Variants in MYO5B observed in about 807,000 individuals in gnomAD.
The protein encoded by MYO5B is unconventional myosin-Vb.
A neutral mutation model predicts 229.3 loss-of-function variants in MYO5B; 143 were observed. That is an observed-to-expected ratio of 0.62 (90% CI 0.54 to 0.72). MYO5B has a LOEUF of 0.72. MYO5B is among the 30% of genes least tolerant of loss of function. The pLI, the probability that MYO5B is intolerant of heterozygous loss-of-function variation, is 0.00. For synonymous variants in MYO5B, 918 were observed against 885.2 expected (o/e 1.04, Z -0.66); for missense variants, 2,321 against 2,331.0 (o/e 1.00, Z 0.09).
At chr18:49,960,009 C>A (rs1174869064) in intron 12 of MYO5B, among the ~76,000 whole-genome samples, 1 of 152,008 alleles carries the variant, frequency 6.6e-6, no homozygotes, top group East Asian at 1.9e-4. Flanking sequence ...TAATAAATAC[C>A]CTGGTCCAGT....
intron 33 of MYO5B, among the ~76,000 whole-genome samples, chr18:49,846,233 C>T (rs1354417989): frequency 6.6e-6 from 1 of 152,164 alleles, no homozygotes; most frequent in Non-Finnish European, 1.5e-5. Context: ...CTCAGCATTC[C>T]TCACTTTAAT....
intron 4 of MYO5B, among the ~76,000 whole-genome samples, chr18:50,023,981 T>C: frequency 6.6e-6 from 1 of 152,122 alleles, no homozygotes; most frequent in Non-Finnish European, 1.5e-5. Context: ...TAAAATAAAA[T>C]ATAAGGGGCT....
At chr18:50,079,462 C>T (rs908940446) in intron 1 of MYO5B, among the ~76,000 whole-genome samples, 1 of 143,732 alleles carries the variant, frequency 7.0e-6, no homozygotes, top group East Asian at 1.9e-4. Flanking sequence ...GCCTCCCTCT[C>T]ACACTTCGAC....
intron 5 of MYO5B, 77 bp from the exon 6 acceptor site, chr18:49,992,508 C>G: frequency 6.3e-7 from 1 of 1,593,638 alleles, no homozygotes; most frequent in South Asian, 1.1e-5. Context: ...TTTGTGGCAG[C>G]ATGTGTCCCC....
intron 27 of MYO5B, among the ~76,000 whole-genome samples, chr18:49,867,112 G>A (rs896315981): frequency 6.6e-6 from 1 of 152,148 alleles, no homozygotes; most frequent in African/African-American, 2.4e-5. Flanking sequence ...GCTGGTCATC[G>A]CAGAGCTTCA....
At chr18:50,138,438 A>G (rs2144282369) in intron 1 of MYO5B, among the ~76,000 whole-genome samples, 1 of 152,298 alleles carries the variant, frequency 6.6e-6, no homozygotes, top group Middle Eastern at 3.4e-3. Flanking sequence ...GGAGCAGTAA[A>G]TGGAATGCTG....
chr18:50,046,140 A>C (rs375975341), intron 2 of MYO5B, among the ~76,000 whole-genome samples: 156 of 152,340 alleles, frequency 1.0e-3, no homozygotes, highest in African/African-American at 3.3e-3. Context: ...GCTGGCAAGA[A>C]GTTGGTGTTG....
At chr18:49,827,187 G>A (rs2023857513) in intron 39 of MYO5B, among the ~76,000 whole-genome samples, 3 of 152,246 alleles carry the variant, frequency 2.0e-5, no homozygotes, top group Admixed American at 2.0e-4. Flanking sequence ...ATAACAATCG[G>A]GAGACTGATT....
intron 4 of MYO5B, 71 bp downstream of exon 4, chr18:50,036,779 G>A: frequency 6.4e-7 from 1 of 1,551,642 alleles, no homozygotes; most frequent in Non-Finnish European, 8.9e-7. Flanking sequence ...ATCAGTTGCA[G>A]AGGAAGGTAA....
At chr18:50,123,196 T>G (rs983691340) in intron 1 of MYO5B, among the ~76,000 whole-genome samples, 4 of 152,196 alleles carry the variant, frequency 2.6e-5, no homozygotes, top group African/African-American at 7.2e-5. Context: ...AAAAGTCACA[T>G]ATTATATGAT....
At chr18:49,966,041 G>A (rs964686667) in intron 10 of MYO5B, among the ~76,000 whole-genome samples, 1 of 152,162 alleles carries the variant, frequency 6.6e-6, no homozygotes, top group Admixed American at 6.5e-5. Flanking sequence ...ACCCCAGAGA[G>A]AAATGTTGCA....
intron 4 of MYO5B, among the ~76,000 whole-genome samples, chr18:50,006,185 C>T (rs2026099031): frequency 6.6e-6 from 1 of 152,152 alleles, no homozygotes; most frequent in Non-Finnish European, 1.5e-5. Flanking sequence ...TAGGGAAAAG[C>T]TTAGTTTCAA....
At chr18:50,038,037 C>T (rs902711230) in intron 3 of MYO5B, among the ~76,000 whole-genome samples, 2 of 152,184 alleles carry the variant, frequency 1.3e-5, no homozygotes, top group Non-Finnish European at 2.9e-5. Context: ...TCAGTAAATA[C>T]ATGTTGATTG....
At chr18:49,840,473 A>G (rs2024042779) in intron 35 of MYO5B, 1 of 152,280 alleles carries the variant, frequency 6.6e-6, no homozygotes, top group South Asian at 2.1e-4. Flanking sequence ...CAGGGAGAAG[A>G]GTCTGTCAAA....
At chr18:50,093,033 T>C (rs940697807) in intron 1 of MYO5B, among the ~76,000 whole-genome samples, 1 of 152,146 alleles carries the variant, frequency 6.6e-6, no homozygotes, top group African/African-American at 2.4e-5. Flanking sequence ...TTCTCAAAGC[T>C]ATCAAATCAG....
rs8092271 is a variant in MYO5B at position 50,164,510 on chromosome 18, A to T, written c.27+30257T>A. On this transcript the variant is annotated intron_variant, in intron 1 of 39. Coordinates refer to ENST00000285039, the MANE Select transcript of MYO5B (RefSeq NM_001080467.3). Reference sequence around the variant, plus strand: ...GAAATGCCCCCTTGATAAGGTATTCACATACATTATTTGGAATCTGTGACT... The same window carrying T: ...GAAATGCCCCCTTGATAAGGTATTCTCATACATTATTTGGAATCTGTGACT... Among the ~76,000 whole-genome samples the T allele has an allele frequency of 5.5e-3, 845 of 152,332 alleles. 7 individuals are homozygous for T. Among genetic ancestry groups the T allele is most frequent in the African/African-American group, 0.019 (804 of 41,580 alleles).
intron 22 of MYO5B, among the ~76,000 whole-genome samples, chr18:49,885,177 C>A (rs184861881): frequency 1.1e-4 from 17 of 152,304 alleles, no homozygotes; most frequent in African/African-American, 3.6e-4. Flanking sequence ...AAAACTTGTA[C>A]GCTGACTGAC....
At chr18:50,120,532 G>A (rs2032040764) in intron 1 of MYO5B, among the ~76,000 whole-genome samples, 1 of 152,198 alleles carries the variant, frequency 6.6e-6, no homozygotes, top group South Asian at 2.1e-4. Flanking sequence ...GAGCCACTAG[G>A]AGCATTTGTC....
chr18:50,112,289 A>T (rs1568111329), intron 1 of MYO5B, among the ~76,000 whole-genome samples: 1 of 152,204 alleles, frequency 6.6e-6, no homozygotes, highest in Non-Finnish European at 1.5e-5. Flanking sequence ...GAACCAACAA[A>T]GCAACTGCAT....
Sources: allele counts gnomAD v4.1 joint callset (sites outside exome capture counted in the v4.1 genomes callset), GRCh38; gene constraint gnomAD v4.1.1; transcripts MANE v1.5; gene names NCBI Gene and HGNC (gene_info 2026-07-23, HGNC 2026-07-21).